Variants in XKR9 observed in about 807,000 individuals in gnomAD.
XKR9 encodes the protein XK related 9.
XKR9 carries 32 observed loss-of-function variants against 32.0 expected under a neutral mutation model. The ratio of observed to expected loss-of-function variants is 1.00; its 90% confidence interval spans 0.76 to 1.34. The LOEUF (loss-of-function observed/expected upper bound fraction) is 1.34, where lower values mean the gene tolerates loss of function less well. Among genes scored for constraint, XKR9 ranks in the 40% most tolerant of loss-of-function variants. XKR9 has a pLI of 0.00. For missense variants in XKR9, 546 were observed against 429.7 expected, an observed-to-expected ratio of 1.27 and a Z score of -2.39; for synonymous variants, 168 against 143.4, an observed-to-expected ratio of 1.17 and a Z score of -1.22.
the XKR9 span, among the ~76,000 whole-genome samples, chr8:70,919,740 T>C: frequency 1.3e-5 from 2 of 152,158 alleles, no homozygotes; most frequent in African/African-American, 4.8e-5. Flanking sequence ...GCCTGCTCCA[T>C]GAGGGTCAGG....
the XKR9 span, among the ~76,000 whole-genome samples, chr8:71,020,486 T>G: frequency 6.6e-6 from 1 of 152,228 alleles, no homozygotes; most frequent in African/African-American, 2.4e-5. Flanking sequence ...AATTCCGTAG[T>G]ATCACCTCTG....
chr8:70,906,469 TC>T, the XKR9 span, among the ~76,000 whole-genome samples: 2 of 152,232 alleles, frequency 1.3e-5, no homozygotes, highest in Non-Finnish European at 2.9e-5. Flanking sequence ...TTAGCTTCTG[TC>T]CATGCATGTG....
the XKR9 span, among the ~76,000 whole-genome samples, chr8:70,985,373 G>T: frequency 6.6e-6 from 1 of 152,164 alleles, no homozygotes; most frequent in African/African-American, 2.4e-5. Context: ...GTATTCCATG[G>T]TGTATATGTG....
the XKR9 span, among the ~76,000 whole-genome samples, chr8:70,895,962 C>G: frequency 1.4e-4 from 21 of 152,068 alleles, no homozygotes; most frequent in African/African-American, 4.8e-4. Flanking sequence ...GAGCTGAGAT[C>G]GCACCACTGC....
chr8:70,800,735 C>T, the XKR9 span, among the ~76,000 whole-genome samples: 1 of 152,174 alleles, frequency 6.6e-6, no homozygotes, highest in Non-Finnish European at 1.5e-5. Flanking sequence ...ATCTGCCCGC[C>T]TCAGCCTCCC....
the XKR9 span, among the ~76,000 whole-genome samples, chr8:71,014,912 C>A: frequency 6.6e-6 from 1 of 152,270 alleles, no homozygotes; most frequent in South Asian, 2.1e-4. Context: ...CCACTATTTG[C>A]CAGTTGCCGA....
At chr8:70,990,421 A>C in the XKR9 span, among the ~76,000 whole-genome samples, 2 of 152,204 alleles carry the variant, frequency 1.3e-5, no homozygotes, top group African/African-American at 4.8e-5. Flanking sequence ...CAGAACTGGA[A>C]TTCATTTATT....
the XKR9 span, among the ~76,000 whole-genome samples, chr8:71,024,450 G>A: frequency 6.6e-5 from 10 of 152,140 alleles, no homozygotes; most frequent in Non-Finnish European, 1.3e-4. Context: ...GGGCTTCAAG[G>A]ATATGGAGAT....
rs537039751 is a variant in XKR9 at position 70,705,870 on chromosome 8, C to G, written c.273-1063C>G. ...GAAAGAATCCAGGCCAGAGAGTTGG[C>G]TGCTTAAACAAGGGTGGTAGTAGTG... On this transcript the variant is annotated intron_variant, in intron 3 of 4. Transcript: ENST00000408926. Among the ~76,000 whole-genome samples the G allele has an allele frequency of 1.7e-3, 254 of 152,174 alleles. 4 individuals are homozygous for G. Among genetic ancestry groups the G allele is most frequent in the South Asian group, 0.014 (67 of 4,822 alleles).
chr8:70,696,181 G>T lies in XKR9; in HGVS notation c.273-10752G>T, dbSNP rs1326252550. Reference sequence around the variant, plus strand: ...TCTTTTGCTGTGCAGAAGCTCTTTAGTTTAATTAGATCTCATTTGTCAATT... The same window carrying T: ...TCTTTTGCTGTGCAGAAGCTCTTTATTTTAATTAGATCTCATTTGTCAATT... On this transcript the variant is annotated intron_variant, in intron 3 of 4. Transcript: ENST00000408926. 6.6e-5 allele frequency among the ~76,000 whole-genome samples: 10 copies of T among 152,048 alleles called. No homozygotes were observed. The South Asian group carries it at 1.2e-3, about 19-fold the overall frequency.
intron 3 of XKR9, 126 bp downstream of exon 3, chr8:70,681,456 T>C (rs1380538786): frequency 2.6e-6 from 3 of 1,156,390 alleles, no homozygotes. Flanking sequence ...AAAGGTTACT[T>C]GCTCCTCACT....
the XKR9 span, among the ~76,000 whole-genome samples, chr8:70,805,125 G>A: frequency 6.6e-6 from 1 of 152,292 alleles, no homozygotes; most frequent in East Asian, 1.9e-4. Flanking sequence ...GGCATGATCT[G>A]TGGAGAGGAA....
the XKR9 span, among the ~76,000 whole-genome samples, chr8:71,037,722 G>A: frequency 2.0e-5 from 3 of 152,272 alleles, no homozygotes; most frequent in East Asian, 5.8e-4. Flanking sequence ...ATTTTGAGGT[G>A]GAACATAAGG....
chr8:70,838,445 A>C, the XKR9 span, among the ~76,000 whole-genome samples: 1 of 152,218 alleles, frequency 6.6e-6, no homozygotes, highest in South Asian at 2.1e-4. Context: ...AAGAACACTT[A>C]CTGAATCCTT....
the XKR9 span, among the ~76,000 whole-genome samples, chr8:70,854,819 A>T: frequency 2.0e-5 from 3 of 152,184 alleles, no homozygotes; most frequent in Non-Finnish European, 2.9e-5. Flanking sequence ...TTTGTCAAAG[A>T]TCAGATAGTT....
chr8:70,747,489 A>G (rs545887423), intron 2 of XKR9, among the ~76,000 whole-genome samples: 1 of 152,350 alleles, frequency 6.6e-6, no homozygotes, highest in African/African-American at 2.4e-5. Flanking sequence ...CTGAGCTAGC[A>G]TAGTCAGCCC....
the XKR9 span, among the ~76,000 whole-genome samples, chr8:70,909,725 T>G: frequency 8.3e-3 from 1,210 of 145,896 alleles, 7 homozygotes; most frequent in African/African-American, 0.029. Flanking sequence ...TTTTTTTTTT[T>G]TTTAACAGAG....
At chr8:70,906,138 C>A in the XKR9 span, among the ~76,000 whole-genome samples, 1 of 152,134 alleles carries the variant, frequency 6.6e-6, no homozygotes, top group African/African-American at 2.4e-5. Context: ...CTGGGAGAAG[C>A]ACTACTCTCT....
At chr8:70,790,292 C>T (rs1262949178) in exon 4 of XKR9, 1 of 151,974 alleles carries the variant, frequency 6.6e-6, no homozygotes, top group Non-Finnish European at 1.5e-5. Flanking sequence ...AGGTCCAAAA[C>T]TTCACTAATT....
Sources: gnomAD v4.1 joint callset for allele counts (sites outside exome capture counted in the v4.1 genomes callset) on GRCh38, gnomAD v4.1.1 for gene constraint, MANE v1.5 for transcripts, NCBI Gene and HGNC (gene_info 2026-07-23, HGNC 2026-07-21) for gene names.